ACBD6: variants seen among roughly 807,000 people sequenced by gnomAD.
The protein encoded by ACBD6 is acyl-CoA binding domain containing 6, also known as acyl-CoA-binding domain-containing protein 6.
Under a neutral mutation model 37.2 loss-of-function variants are expected in ACBD6, and 28 were observed. The ratio of observed to expected loss-of-function variants is 0.75; its 90% CI spans 0.56 to 1.03. The LOEUF is 1.03. Ranked by LOEUF, ACBD6 falls within the 50% of genes least tolerant of loss-of-function variation. The pLI is 0.00. For missense variants in ACBD6, 340 were observed against 337.4 expected (o/e 1.01, Z -0.06); for synonymous variants, 113 against 126.8 (o/e 0.89, Z 0.73).
chr1:180,279,428 G>A (rs915084072), intron 9 of ACBD6, among the ~76,000 whole-genome samples: 1 of 152,042 alleles, frequency 6.6e-6, no homozygotes, highest in Non-Finnish European at 1.5e-5. Context: ...TCCAGAGTAC[G>A]TGGGATTACA....
intron 6 of ACBD6, among the ~76,000 whole-genome samples, chr1:180,345,181 T>G (rs1388458724): frequency 6.6e-6 from 1 of 152,210 alleles, no homozygotes. Context: ...TGCATACTGT[T>G]TCTATAACAC....
chr1:180,420,017 A>G (rs1648288491), intron 4 of ACBD6, among the ~76,000 whole-genome samples: 1 of 152,232 alleles, frequency 6.6e-6, no homozygotes, highest in African/African-American at 2.4e-5. Flanking sequence ...CCATGTAGTA[A>G]AAGTCAAAAG....
intron 6 of ACBD6, among the ~76,000 whole-genome samples, chr1:180,359,224 G>A (rs1159982109): frequency 2.6e-5 from 4 of 152,086 alleles, no homozygotes; most frequent in African/African-American, 4.8e-5. Context: ...AGCACAAAGC[G>A]ACTGATAACT....
chr1:180,339,905 T>A (rs891958965), intron 6 of ACBD6, among the ~76,000 whole-genome samples: 2 of 151,498 alleles, frequency 1.3e-5, no homozygotes, highest in African/African-American at 4.9e-5. Flanking sequence ...GGGTATCAAC[T>A]TAAAATAAGG....
At chr1:180,470,740 C>T (rs74132903) in intron 3 of ACBD6, among the ~76,000 whole-genome samples, 9,633 of 152,234 alleles carry the variant, frequency 0.063, 940 homozygotes, top group African/African-American at 0.21. Flanking sequence ...TAACTATTTG[C>T]GTACCAACAA....
downstream of ACBD6, among the ~76,000 whole-genome samples, chr1:180,283,404 G>A (rs1355342289): frequency 6.6e-6 from 1 of 152,090 alleles, no homozygotes; most frequent in Non-Finnish European, 1.5e-5. Flanking sequence ...CCCACCCTGA[G>A]TGCCTAGAGC....
intron 6 of ACBD6, among the ~76,000 whole-genome samples, chr1:180,329,895 T>C (rs1000232076): frequency 6.6e-6 from 1 of 152,160 alleles, no homozygotes; most frequent in Admixed American, 6.5e-5. Flanking sequence ...TTTCCGGACA[T>C]TTGTCTAATC....
intron 3 of ACBD6, among the ~76,000 whole-genome samples, chr1:180,481,945 T>C (rs1057371427): frequency 6.6e-6 from 1 of 152,180 alleles, no homozygotes; most frequent in Non-Finnish European, 1.5e-5. Flanking sequence ...TCAAGTTCGA[T>C]AGTCAGGTGA....
chr1:180,356,714 G>T (rs532409234), intron 6 of ACBD6, among the ~76,000 whole-genome samples: 8 of 151,902 alleles, frequency 5.3e-5, no homozygotes, highest in African/African-American at 1.9e-4. Context: ...CCAGGTTGTG[G>T]TGGTGTGTGC....
At chr1:180,447,408 C>T (rs1027371037) in intron 3 of ACBD6, among the ~76,000 whole-genome samples, 1 of 151,996 alleles carries the variant, frequency 6.6e-6, no homozygotes, top group African/African-American at 2.4e-5. Flanking sequence ...TAACAACAAA[C>T]CAAAAATGGT....
intron 6 of ACBD6, among the ~76,000 whole-genome samples, chr1:180,394,202 T>C (rs1286446928): frequency 2.0e-5 from 3 of 151,950 alleles, no homozygotes; most frequent in African/African-American, 4.8e-5. Flanking sequence ...CAAGTGATCC[T>C]CCCACCACAG....
chr1:180,410,550 T>C (rs1647811543), intron 5 of ACBD6, among the ~76,000 whole-genome samples: 1 of 152,196 alleles, frequency 6.6e-6, no homozygotes, highest in African/African-American at 2.4e-5. Flanking sequence ...GCTTAATCTA[T>C]TCTGCCTGTG....
chr1:180,497,895 C>T (rs990421343), intron 1 of ACBD6, among the ~76,000 whole-genome samples: 1 of 152,256 alleles, frequency 6.6e-6, no homozygotes, highest in Middle Eastern at 3.4e-3. Flanking sequence ...TGTAGATATT[C>T]TTCTTTGATA....
rs889766210 is a variant in ACBD6 at position 180,435,769 on chromosome 1, G to C, written c.385-5507C>G. ...ACTTCAGAATAGCAGCCAAGTATCA[G>C]ATTGACTCTGACAGCTGCTTCTCGG... On this transcript the variant is annotated intron_variant, in intron 3 of 7. Coordinates refer to ENST00000367595, the MANE Select transcript of ACBD6 (RefSeq NM_032360.4). The C allele has an allele frequency of 2.3e-5, 20 of 865,878 alleles. No individual in the cohort carries two copies. In the African/African-American group the frequency reaches 3.1e-4, roughly 14 times the overall value. The allele number at this position is 865,878 out of a possible 1,614,324, so 53.6% of individuals were successfully genotyped here.
chr1:180,429,854 G>A (rs1378938287), intron 4 of ACBD6, among the ~76,000 whole-genome samples: 1 of 152,078 alleles, frequency 6.6e-6, no homozygotes, highest in Non-Finnish European at 1.5e-5. Flanking sequence ...CTACTTGTGT[G>A]GGGAAAGTCA....
chr1:180,391,552 T>C (rs1325826254), intron 6 of ACBD6, among the ~76,000 whole-genome samples: 1 of 152,140 alleles, frequency 6.6e-6, no homozygotes, highest in African/African-American at 2.4e-5. Flanking sequence ...CATGAAAAGA[T>C]GCTCAATATC....
rs1281331740 is a variant in ACBD6, at chr1:180,273,054, C to G, written c.*1173+284G>C. On this transcript the variant is annotated intron_variant, in intron 12 of 13. Coordinates refer to the ACBD6 transcript ENST00000642319. ...TCCCTTTAAAGAGCATGAGCTCCCCCCACCATGTTTTTTCATAAGGGGAAT... is the reference window on the plus strand; with the variant it reads ...TCCCTTTAAAGAGCATGAGCTCCCCGCACCATGTTTTTTCATAAGGGGAAT... 5 of 152,250 alleles carry G rather than the reference C, an allele frequency of 3.3e-5. No individual in the cohort carries two copies. In the South Asian group the frequency reaches 1.0e-3, roughly 32 times the overall value. 9.4% of individuals were successfully genotyped at this position (152,250 alleles called of 1,614,324 possible).
chr1:180,459,967 C>CTTTTTTTTTTTT (rs67323272), intron 3 of ACBD6, among the ~76,000 whole-genome samples: 5 of 107,962 alleles, frequency 4.6e-5, no homozygotes, highest in Non-Finnish European at 7.7e-5. Flanking sequence ...CAGACTGCTT[C>CTTTTTTTTTTTT]TTTTTTTTTT....
chr1:180,284,650 A>G (rs1413667244), downstream of ACBD6, among the ~76,000 whole-genome samples: 1 of 152,030 alleles, frequency 6.6e-6, no homozygotes, highest in Non-Finnish European at 1.5e-5. Flanking sequence ...AATTACAGGC[A>G]TGAGCCACCG....
Sources: allele counts gnomAD v4.1 joint callset (sites outside exome capture counted in the v4.1 genomes callset), GRCh38; gene constraint gnomAD v4.1.1; transcripts MANE v1.5; gene names NCBI Gene and HGNC (gene_info 2026-07-23, HGNC 2026-07-21).